C1orf185: variants seen among roughly 807,000 people sequenced by gnomAD.
C1orf185 encodes uncharacterized protein C1orf185.
In C1orf185, 13 loss-of-function variants were observed where a neutral mutation model predicts 16.1. That is an observed-to-expected ratio of 0.81 (90% confidence interval 0.53 to 1.28). The LOEUF (loss-of-function observed/expected upper bound fraction) is 1.28, where lower values mean the gene tolerates loss of function less well. C1orf185 is among the 50% of genes most tolerant of loss of function. The pLI is 0.00. For missense variants in C1orf185, 220 were observed against 225.2 expected, an observed-to-expected ratio of 0.98 and a Z score of 0.15; for synonymous variants, 80 against 76.9, an observed-to-expected ratio of 1.04 and a Z score of -0.21.
intron 3 of C1orf185, among the ~76,000 whole-genome samples, chr1:51,140,768 G>T (rs1646358903): frequency 6.6e-6 from 1 of 152,058 alleles, no homozygotes; most frequent in South Asian, 2.1e-4. Context: ...GCATAAAGTT[G>T]TTCATGATAT....
chr1:51,133,718 T>G (rs945659183), intron 3 of C1orf185, among the ~76,000 whole-genome samples: 1 of 152,246 alleles, frequency 6.6e-6, no homozygotes, highest in African/African-American at 2.4e-5. Flanking sequence ...GATAGACATC[T>G]GCAGAACTCT....
At chr1:51,128,364 G>A (rs1373263748) in intron 3 of C1orf185, among the ~76,000 whole-genome samples, 2 of 151,598 alleles carry the variant, frequency 1.3e-5, no homozygotes, top group Non-Finnish European at 2.9e-5. Flanking sequence ...CCAACATATG[G>A]TGGTGTTATT....
rs140962522 is a variant in C1orf185 at position 51,111,467 on chromosome 1, G to A, written c.17-997G>A. Among the ~76,000 whole-genome samples the A allele has an allele frequency of 4.3e-3, 641 of 149,544 alleles. 7 individuals are homozygous for A. Among genetic ancestry groups the A allele is most frequent in the African/African-American group, 0.015 (599 of 39,928 alleles). ...AGTTCACTGTAATCTCAAATTCCTGGGCTCAAGCAATCCTCCCGCCTCAGC... is the reference window on the plus strand; with the variant it reads ...AGTTCACTGTAATCTCAAATTCCTGAGCTCAAGCAATCCTCCCGCCTCAGC... On this transcript the variant is annotated intron_variant, in intron 1 of 4. Coordinates refer to ENST00000371759, the MANE Select transcript of C1orf185 (RefSeq NM_001136508.2).
At chr1:51,122,417 C>T (rs918260345) in intron 3 of C1orf185, among the ~76,000 whole-genome samples, 1 of 152,124 alleles carries the variant, frequency 6.6e-6, no homozygotes, top group East Asian at 1.9e-4. Flanking sequence ...GGATGTGTAA[C>T]AGTATCTATA....
intron 1 of C1orf185, among the ~76,000 whole-genome samples, chr1:51,108,469 A>G (rs1440294249): frequency 2.0e-5 from 3 of 152,172 alleles, no homozygotes; most frequent in African/African-American, 4.8e-5. Flanking sequence ...TTTGAAATAT[A>G]TAATACATTA....
chr1:51,151,620 C>A (rs1172786039), downstream of C1orf185, among the ~76,000 whole-genome samples: 3 of 152,098 alleles, frequency 2.0e-5, no homozygotes, highest in African/African-American at 7.2e-5. Flanking sequence ...GGTGTACAAC[C>A]TAGTTCCGTG....
intron 1 of C1orf185, among the ~76,000 whole-genome samples, chr1:51,105,914 A>G (rs1646067299): frequency 6.6e-6 from 1 of 152,316 alleles, no homozygotes; most frequent in African/African-American, 2.4e-5. Context: ...GGTATTAGCA[A>G]ATATGTAATT....
At chr1:51,150,626 A>G (rs1260804451), downstream of C1orf185, among the ~76,000 whole-genome samples, 1 of 152,240 alleles carries the variant, frequency 6.6e-6, no homozygotes. Context: ...GCCAGTCTAG[A>G]GTAATCTCAT....
At chr1:51,123,979 T>G (rs57935152) in intron 3 of C1orf185, among the ~76,000 whole-genome samples, 7,646 of 151,254 alleles carry the variant, frequency 0.051, 634 homozygotes, top group African/African-American at 0.17. Flanking sequence ...TATATATATA[T>G]ATAGAGAGAG....
In C1orf185 at chr1:51,145,761, G is replaced by A; in HGVS notation, c.295+1G>A. ...AAAAAGGAAGCAGCACATATAAAAGGTATTTTTTCTCAATAATTTATTAGA... is the reference window on the plus strand; with the variant it reads ...AAAAAGGAAGCAGCACATATAAAAGATATTTTTTCTCAATAATTTATTAGA... On this transcript the variant is annotated splice_donor_variant, in intron 4 of 4. Transcript: ENST00000371759. LOFTEE classifies it high-confidence loss of function. The A allele has an allele frequency of 7.7e-7, 1 of 1,296,766 alleles. No individual in the cohort carries two copies. The highest frequency in any genetic ancestry group is 1.0e-6 in the Non-Finnish European group (1 of 956,726). The allele number at this position is 1,296,766 out of a possible 1,614,324, so 80.3% of individuals were successfully genotyped here. A position where few individuals can be genotyped will look rare whatever the true frequency, so the allele number is the denominator to read the frequency against.
At chr1:51,136,581 G>A (rs989931715) in intron 3 of C1orf185, among the ~76,000 whole-genome samples, 6 of 151,994 alleles carry the variant, frequency 3.9e-5, no homozygotes, top group Non-Finnish European at 8.8e-5. Flanking sequence ...ACAGAATACA[G>A]AACCCAGAAA....
intron 3 of C1orf185, among the ~76,000 whole-genome samples, chr1:51,140,177 G>A (rs72692281): frequency 0.016 from 2,415 of 152,184 alleles, 23 homozygotes; most frequent in Middle Eastern, 0.034. Context: ...GATCACTTTC[G>A]TTGTCTCACG....
At chr1:51,104,893 A>G (rs529653896) in intron 1 of C1orf185, among the ~76,000 whole-genome samples, 8 of 152,208 alleles carry the variant, frequency 5.3e-5, no homozygotes, top group Non-Finnish European at 2.9e-5. Flanking sequence ...ATTTTAAGGA[A>G]CATATATGTT....
chr1:51,122,334 A>G (rs1368969092), intron 3 of C1orf185, among the ~76,000 whole-genome samples: 3 of 152,256 alleles, frequency 2.0e-5, no homozygotes, highest in Non-Finnish European at 4.4e-5. Flanking sequence ...CAACATATAT[A>G]TAAGTGCACA....
Position 51,106,861 on chromosome 1 carries a change from G to A in C1orf185, c.16+4612G>A, listed in dbSNP as rs536315511. 6.0e-5 allele frequency among the ~76,000 whole-genome samples: 9 copies of A among 151,168 alleles called. 1 individual carries two copies. Among genetic ancestry groups the A allele is most frequent in the East Asian group, 2.0e-4 (1 of 5,102 alleles). Reference sequence around the variant, plus strand: ...CAACCTCCAACTCCCTGGTTCAAGCGACTCCCCTGCCTCAGCCTCCCGAGT... The same window carrying A: ...CAACCTCCAACTCCCTGGTTCAAGCAACTCCCCTGCCTCAGCCTCCCGAGT... On this transcript the variant is annotated intron_variant, in intron 1 of 4. Coordinates refer to ENST00000371759, the MANE Select transcript of C1orf185 (RefSeq NM_001136508.2).
In C1orf185 at chr1:51,118,624, C is replaced by A. The variant is rs1412528713; in HGVS notation, c.123-42C>A. The A allele has an allele frequency of 2.6e-6, 3 of 1,139,322 alleles. No homozygotes were observed. In the South Asian group the frequency reaches 7.4e-5, roughly 28 times the overall value. 70.6% of individuals were successfully genotyped at this position (1,139,322 alleles called of 1,614,324 possible). A position where few individuals can be genotyped will look rare whatever the true frequency, so the allele number is the denominator to read the frequency against. On this transcript the variant is annotated intron_variant, in intron 2 of 4. Coordinates refer to ENST00000371759, the MANE Select transcript of C1orf185 (RefSeq NM_001136508.2). The stretch of plus-strand genomic sequence containing the variant: ...ATAATGATTTTAATTGTTTTATAAT[C>A]TAACTCAGGTTTAATAATATTCTTT...
intron 1 of C1orf185, among the ~76,000 whole-genome samples, chr1:51,105,815 C>A (rs1267926732): frequency 6.6e-6 from 1 of 152,040 alleles, no homozygotes; most frequent in Non-Finnish European, 1.5e-5. Context: ...ATTGACTAAA[C>A]CTTTAGAATA....
At chr1:51,131,493 G>A (rs937794361) in intron 3 of C1orf185, among the ~76,000 whole-genome samples, 6 of 151,926 alleles carry the variant, frequency 3.9e-5, no homozygotes, top group African/African-American at 1.5e-4. Context: ...ATGATTATTG[G>A]CTGGGCTTGG....
At chr1:51,139,484 G>T (rs1380584269) in intron 3 of C1orf185, among the ~76,000 whole-genome samples, 1 of 151,970 alleles carries the variant, frequency 6.6e-6, no homozygotes, top group Non-Finnish European at 1.5e-5. Flanking sequence ...GATTGGGGAG[G>T]GTTTCTTCTT....
Sources: allele counts gnomAD v4.1 joint callset (sites outside exome capture counted in the v4.1 genomes callset), GRCh38; gene constraint gnomAD v4.1.1; transcripts MANE v1.5; gene names NCBI Gene and HGNC (gene_info 2026-07-23, HGNC 2026-07-21).